KDM5D: variants seen among roughly 807,000 people sequenced by gnomAD.
The protein encoded by KDM5D is lysine-specific demethylase 5D.
KDM5D carries 25 observed loss-of-function variants against 31.9 expected under a neutral mutation model. The ratio of observed to expected loss-of-function variants is 0.78; its 90% CI spans 0.57 to 1.09. The LOEUF is 1.09. KDM5D is among the 50% of genes least tolerant of loss of function. KDM5D has a pLI of 0.00. For synonymous variants in KDM5D, 146 were observed against 122.3 expected (o/e 1.19, Z -1.28); for missense variants, 366 against 341.6 (o/e 1.07, Z -0.56).
At chrY:19,733,294 G>A (rs2045485646) in intron 8 of KDM5D, among the ~76,000 whole-genome samples, 1 of 32,777 alleles carries the variant, frequency 3.1e-5, no homozygotes, top group Non-Finnish European at 7.5e-5. Flanking sequence ...AAACGCAGTG[G>A]TAAGATTTTT....
intron 11 of KDM5D, chrY:19,723,251 CT>C (rs2045407729): frequency 5.7e-5 from 2 of 35,010 alleles, no homozygotes; most frequent in Admixed American, 2.7e-4. Flanking sequence ...GCTGGAGTAA[CT>C]GGCTACCGAC....
intron 11 of KDM5D, 46 bp from the exon 12 acceptor site, chrY:19,721,357 A>G: frequency 3.3e-6 from 1 of 298,517 alleles, no homozygotes; most frequent in Non-Finnish European, 5.1e-6. Flanking sequence ...GTAGGATACG[A>G]TGAGGAGAGG....
At chrY:19,715,318 C>T in intron 18 of KDM5D, 34 bp downstream of exon 18, 1 of 388,451 alleles carries the variant, frequency 2.6e-6, no homozygotes, top group Non-Finnish European at 3.6e-6. Context: ...TTTTCACACA[C>T]TGACACCCTT....
At position 19,741,312 on chromosome Y, in the gene KDM5D, C is replaced by T; in HGVS notation, c.522+6G>A. On this transcript the variant is annotated splice_donor_region_variant and intron_variant, in intron 5 of 26. Transcript: ENST00000317961. ...TCAGGCCACAAACCAGTTTAAGGGC[C>T]CTCACCACATGGTTGGCTCCAGACT... 3 of 392,602 alleles carry T rather than the reference C, an allele frequency of 7.6e-6. No individual in the cohort carries two copies. The East Asian group carries it at 2.8e-4, about 36-fold the overall frequency.
intron 20 of KDM5D, 52 bp downstream of exon 20, chrY:19,709,399 A>C: frequency 2.5e-6 from 1 of 392,437 alleles, no homozygotes; most frequent in Non-Finnish European, 3.6e-6. Flanking sequence ...GGGTCACCCC[A>C]AAACTTTGAG....
intron 6 of KDM5D, among the ~76,000 whole-genome samples, chrY:19,738,339 T>C (rs2045523971): frequency 3.0e-5 from 1 of 33,773 alleles, no homozygotes; most frequent in Non-Finnish European, 7.3e-5. Flanking sequence ...AAAGTACTAA[T>C]ACAGAATCCA....
chrY:19,744,579 T>C, intron 1 of KDM5D, 26 bp from the exon 2 acceptor site: 1 of 309,817 alleles, frequency 3.2e-6, no homozygotes, highest in Non-Finnish European at 4.7e-6. Context: ...CACATTGTCT[T>C]TAATGACGCG....
chrY:19,731,890 A>T lies in KDM5D; in HGVS notation c.1253T>A (p.Leu418Gln), dbSNP rs1569366470. ...CACGTCTTCCTCAATGCTGCTCACC[A>T]GCCTCCAGAATTCCTTCTCTACAAG... ...TELVEKEFWR[L>Q]VSSIEEDVTV... Residue 418 changes from leucine (L) to glutamine (Q), a missense_variant, in exon 11 of 27, where the codon CTG becomes CAG. Leu to Gln is a moderately radical substitution (Grantham distance 113, BLOSUM62 -2). Transcript: ENST00000317961. The T allele has an allele frequency of 2.5e-6, 1 of 397,994 alleles. No homozygotes were observed. The highest frequency in any genetic ancestry group is 3.5e-6 in the Non-Finnish European group (1 of 282,744).
chrY:19,726,419 T>C, intron 11 of KDM5D, among the ~76,000 whole-genome samples: 1 of 33,208 alleles, frequency 3.0e-5, no homozygotes, highest in Non-Finnish European at 7.4e-5. Flanking sequence ...AAGCTGGTAA[T>C]AGCATTCTCA....
chrY:19,704,220 G>A lies in KDM5D; in HGVS notation c.*1775C>T, dbSNP rs2045217080. ...GAACAATTTGTGACTCAGAACTTTA[G>A]TGAGATTTTTATAGGCAGAAGTTCT... On this transcript the variant is annotated 3_prime_UTR_variant, in exon 27 of 27. Coordinates refer to ENST00000317961, the MANE Select transcript of KDM5D (RefSeq NM_004653.5). The A allele has an allele frequency of 1.2e-4, 4 of 33,744 alleles. No homozygotes were observed. The highest frequency in any genetic ancestry group is 4.6e-4 in the African/African-American group (4 of 8,619). The allele number at this position is 33,744 out of a possible 400,897, so 8.4% of individuals were successfully genotyped here. A position where few individuals can be genotyped will look rare whatever the true frequency, so the allele number is the denominator to read the frequency against.
Position 19,709,013 on chromosome Y carries a change from C to A in KDM5D, c.2943G>T (p.Arg981Ser). The change falls in exon 21 of 27, where the codon AGG becomes AGT. Residue 981 changes from arginine to serine, a missense_variant and splice_region_variant. By Grantham distance (110) the Arg-to-Ser change is moderately radical. Coordinates refer to ENST00000317961, the MANE Select transcript of KDM5D (RefSeq NM_004653.5). ...EEKAHFCLEARQKHPPATLEA... is the reference protein window; with the variant it reads ...EEKAHFCLEASQKHPPATLEA... Reference sequence around the variant, plus strand: ...CCAATGTGGCTGGTGGATGCTTCTGCCTAAATTTTTTTTGAAAAAGAGAAA... The same window carrying A: ...CCAATGTGGCTGGTGGATGCTTCTGACTAAATTTTTTTTGAAAAAGAGAAA... 1 of 396,161 alleles carries A rather than the reference C, an allele frequency of 2.5e-6. No individual in the cohort carries two copies. Among genetic ancestry groups the A allele is most frequent in the East Asian group, 9.2e-5 (1 of 10,813 alleles).
intron 13 of KDM5D, among the ~76,000 whole-genome samples, chrY:19,718,635 C>T: frequency 3.0e-5 from 1 of 33,819 alleles, no homozygotes; most frequent in Non-Finnish European, 7.3e-5. Flanking sequence ...TGTGAATGTA[C>T]TAAATGAGAC....
intron 6 of KDM5D, among the ~76,000 whole-genome samples, chrY:19,736,885 A>G (rs2045515476): frequency 3.0e-5 from 1 of 33,282 alleles, no homozygotes; most frequent in Non-Finnish European, 7.4e-5. Context: ...ACCGGCATCC[A>G]CTATGCCTCA....
intron 13 of KDM5D, 74 bp from the exon 14 acceptor site, chrY:19,716,789 T>C: frequency 6.7e-6 from 2 of 298,301 alleles, no homozygotes; most frequent in South Asian, 6.7e-5. Flanking sequence ...AAGATGTCTC[T>C]AGATGCTGTA....
rs369527167 is a variant in KDM5D, at chrY:19,744,394, G to A, written c.141C>T (p.Arg47=). ...IAEKSGICKI[R]PPADWQPPFA... is the part of the protein sequence containing the mutation. ...TGTTTCAAAGACTTACCGCGGGTGGGCGGATTTTGCAGATGCCAGACTTCT... is the reference window on the plus strand; with the variant it reads ...TGTTTCAAAGACTTACCGCGGGTGGACGGATTTTGCAGATGCCAGACTTCT... The change falls in exon 2 of 27, where the codon CGC becomes CGT. Residue 47 remains arginine (R), a synonymous_variant. Coordinates refer to ENST00000317961, the MANE Select transcript of KDM5D (RefSeq NM_004653.5). 1 of 387,257 alleles carries A rather than the reference G, an allele frequency of 2.6e-6. No individual in the cohort carries two copies. Among genetic ancestry groups the A allele is most frequent in the African/African-American group, 6.6e-5 (1 of 15,261 alleles).
chrY:19,739,241 G>A (rs2045531045), intron 6 of KDM5D, among the ~76,000 whole-genome samples: 2 of 32,989 alleles, frequency 6.1e-5, no homozygotes, highest in Non-Finnish European at 1.5e-4. Flanking sequence ...GGCTGTAGAG[G>A]GAGAATCACT....
rs769191548 is a variant in KDM5D, at chrY:19,706,503, T to C, written c.4207A>G (p.Ile1403Val). 5.0e-6 allele frequency: 2 copies of C among 398,798 alleles called. No homozygotes were observed. Among genetic ancestry groups the C allele is most frequent in the Non-Finnish European group, 7.1e-6 (2 of 283,589 alleles). Residue 1403 changes from isoleucine to valine, a missense_variant, in exon 26 of 27, where the codon ATC becomes GTC. Transcript: ENST00000317961. ...LEVTLDENHSIWQLLQAGQPP... is the reference protein window; with the variant it reads ...LEVTLDENHSVWQLLQAGQPP... ...TGTCCAGCCTGCAGCAGCTGCCAGA[T>C]GCTGTGGTTCTCATCCAGGGTCACC...
At chrY:19,730,740 G>A (rs760079339) in intron 11 of KDM5D, among the ~76,000 whole-genome samples, 343 of 33,052 alleles carry the variant, frequency 0.01, no homozygotes, top group Non-Finnish European at 1.3e-3. Context: ...ACATACCTAC[G>A]CTATATGGTA....
In KDM5D at chrY:19,716,734, C is replaced by T; in HGVS notation, c.1717-19G>A. 1 of 395,381 alleles carries T rather than the reference C, an allele frequency of 2.5e-6. No individual in the cohort carries two copies. Among genetic ancestry groups the T allele is most frequent in the Non-Finnish European group, 3.6e-6 (1 of 281,210 alleles). On this transcript the variant is annotated intron_variant, in intron 13 of 26. Transcript: ENST00000317961. ...GGACAACCTAAAAAGGAGAAAAAAG[C>T]AGAAAGAGGTGTGGGTCAGAACTAA...
Sources: allele counts gnomAD v4.1 joint callset (sites outside exome capture counted in the v4.1 genomes callset), GRCh38; gene constraint gnomAD v4.1.1; transcripts MANE v1.5; gene names NCBI Gene and HGNC (gene_info 2026-07-23, HGNC 2026-07-21).